Variants in EPG5 observed in about 807,000 individuals in gnomAD.
EPG5 encodes ectopic P granules protein 5 homolog.
EPG5 carries 159 observed loss-of-function variants against 302.7 expected under a neutral mutation model. The ratio of observed to expected loss-of-function variants is 0.53; its 90% confidence interval spans 0.46 to 0.60. EPG5 has a LOEUF of 0.60. Among genes scored for constraint, EPG5 ranks in the 20% least tolerant of loss-of-function variants. The pLI, the probability that EPG5 is intolerant of heterozygous loss-of-function variation, is 0.00. For missense variants in EPG5, 2,896 were observed against 3,092.4 expected, an observed-to-expected ratio of 0.94 and a Z score of 1.51; for synonymous variants, 1,158 against 1,136.8, an observed-to-expected ratio of 1.02 and a Z score of -0.37.
At chr18:45,935,019 A>T in intron 10 of EPG5, 53 bp from the exon 11 acceptor site, 1 of 1,516,740 alleles carries the variant, frequency 6.6e-7, no homozygotes. Context: ...TTACACTAAG[A>T]AAGTAGACAA....
At chr18:45,846,398 G>A (rs1047883378), downstream of EPG5, among the ~76,000 whole-genome samples, 3 of 151,928 alleles carry the variant, frequency 2.0e-5, no homozygotes, top group African/African-American at 7.3e-5. Context: ...GCAGGTGCCT[G>A]TAATCCCAGC....
At chr18:45,951,016 A>T in intron 4 of EPG5, 86 bp downstream of exon 4, 1 of 1,124,648 alleles carries the variant, frequency 8.9e-7, no homozygotes, top group Non-Finnish European at 1.2e-6. Flanking sequence ...AAAAAGTTGA[A>T]GACCAAATGT....
At chr18:45,880,021 G>A in intron 32 of EPG5, 54 bp downstream of exon 32, 1 of 1,478,750 alleles carries the variant, frequency 6.8e-7, no homozygotes, top group Non-Finnish European at 9.0e-7. Flanking sequence ...AAAATGAATA[G>A]CAAGGGAAAT....
chr18:45,823,676 GCA>G, the EPG5 span, among the ~76,000 whole-genome samples: 1 of 152,148 alleles, frequency 6.6e-6, no homozygotes, highest in Admixed American at 6.5e-5. Flanking sequence ...CTGCTAGTCT[GCA>G]CAAAGTCCTG....
chr18:45,944,432 G>A (rs1205851426), intron 7 of EPG5, among the ~76,000 whole-genome samples: 2 of 152,068 alleles, frequency 1.3e-5, no homozygotes, highest in Non-Finnish European at 2.9e-5. Context: ...GACCTTATAG[G>A]GATCAGTGCT....
At chr18:45,884,440 C>G (rs1419917280) in intron 30 of EPG5, among the ~76,000 whole-genome samples, 177 bp downstream of exon 30, 6 of 152,154 alleles carry the variant, frequency 3.9e-5, no homozygotes, top group Admixed American at 3.3e-4. Context: ...TGCCCCACCC[C>G]CTAAGAAGCA....
chr18:45,861,145 G>A (rs1253136616), intron 39 of EPG5, among the ~76,000 whole-genome samples: 2 of 152,112 alleles, frequency 1.3e-5, no homozygotes, highest in Non-Finnish European at 2.9e-5. Context: ...CTTACTCATC[G>A]CATCTATCAA....
At position 45,858,586 on chromosome 18, in the gene EPG5, C is replaced by G; in HGVS notation, c.7206G>C (p.Trp2402Cys). The G allele has an allele frequency of 6.2e-7, 1 of 1,614,140 alleles. No individual in the cohort carries two copies. The highest frequency in any genetic ancestry group is 2.2e-5 in the East Asian group (1 of 44,888). The change falls in exon 41 of 44, where the codon TGG (tryptophan) becomes TGC (cysteine). Residue 2402 changes from tryptophan to cysteine, a missense_variant. This residue lies in a region of EPG5 where 620 missense variants were observed against 704.2 expected (regional missense o/e 0.88). Coordinates refer to ENST00000282041, the MANE Select transcript of EPG5 (RefSeq NM_020964.3). ...CGTACCTTGGGTACACCTGTTCCAG[C>G]CACTTGCTTAAGATGAGCAGCACTT... Reference protein sequence around the residue: ...EMKVLLILSKWLEQVYPSSVE... With the variant: ...EMKVLLILSKCLEQVYPSSVE...
rs1419108589 is a variant in EPG5 at position 45,858,682 on chromosome 18, G to T, written c.7110C>A (p.Gly2370=). ...EEFLQECLTL[G]SYLTLYVYLL... Reference sequence around the variant, plus strand: ...AGTAGACGTAAAGAGTCAAGTAACTGCCCAAGGTGAGGCACTCCTGCAGGA... The same window carrying T: ...AGTAGACGTAAAGAGTCAAGTAACTTCCCAAGGTGAGGCACTCCTGCAGGA... Residue 2370 remains glycine (G), a synonymous_variant, in exon 41 of 44, where the codon GGC becomes GGA. Coordinates refer to ENST00000282041, the MANE Select transcript of EPG5 (RefSeq NM_020964.3). 5.6e-6 allele frequency: 9 copies of T among 1,614,076 alleles called. No individual in the cohort carries two copies. Among genetic ancestry groups the T allele is most frequent in the Non-Finnish European group, 5.9e-6 (7 of 1,179,980 alleles).
rs773709086 is a variant in EPG5 at position 45,866,853 on chromosome 18, T to G, written c.6566A>C (p.Lys2189Thr). 3.7e-6 allele frequency: 6 copies of G among 1,614,162 alleles called. No individual in the cohort carries two copies. The South Asian group carries it at 6.6e-5, about 18-fold the overall frequency. ...AKESYAELIM[K>T]LLKVSAGLSI... is the part of the protein sequence containing the mutation. ...AAGGCCCGCAGACACTTTTAGGAGC[T>G]TCATGATTAATTCAGCATAAGATTC... The change falls in exon 38 of 44, where the codon AAG becomes ACG. Residue 2189 changes from lysine to threonine, a missense_variant. Around this residue, in one of 5 missense-constraint regions of EPG5, gnomAD observed 620 missense variants for 704.2 expected, o/e 0.88. Coordinates refer to ENST00000282041, the MANE Select transcript of EPG5 (RefSeq NM_020964.3).
intron 1 of EPG5, among the ~76,000 whole-genome samples, chr18:45,956,055 C>CT (rs1189294208): frequency 6.6e-6 from 1 of 152,158 alleles, no homozygotes; most frequent in Non-Finnish European, 1.5e-5. Flanking sequence ...AGTATCTCCT[C>CT]CCAAATATTT....
chr18:45,833,236 C>A, the EPG5 span, among the ~76,000 whole-genome samples: 1 of 152,186 alleles, frequency 6.6e-6, no homozygotes, highest in East Asian at 1.9e-4. Context: ...TGTGGTTCTG[C>A]AAACCCCAGT....
chr18:45,811,701 T>C, the EPG5 span, among the ~76,000 whole-genome samples: 4 of 152,206 alleles, frequency 2.6e-5, no homozygotes, highest in African/African-American at 9.7e-5. Flanking sequence ...AAAAGGCCTT[T>C]GACAAAATTC....
rs78126902 is a variant in EPG5 at position 45,952,769 on chromosome 18, G to A, written c.1009-126C>T. 1.5e-3 allele frequency: 1,515 copies of A among 977,906 alleles called. 16 individuals carry two copies. The African/African-American group carries it at 0.021, about 14-fold the overall frequency. 60.6% of individuals were successfully genotyped at this position (977,906 alleles called of 1,614,324 possible). ...AAAGAGCTTATAATCATGGTGAGGA[G>A]ACATATTACTGTGTAGAGAACATTA... On this transcript the variant is annotated intron_variant, in intron 2 of 43. Transcript: ENST00000282041.
chr18:45,964,494 T>C (rs922734624), intron 1 of EPG5, among the ~76,000 whole-genome samples: 4 of 152,208 alleles, frequency 2.6e-5, no homozygotes, highest in African/African-American at 9.6e-5. Context: ...CACTACTGCA[T>C]TATAGGTTCA....
rs143490651 is a variant in EPG5 at position 45,897,285 on chromosome 18, T to A, written c.4809+2119A>T. On this transcript the variant is annotated intron_variant, in intron 27 of 43. Coordinates refer to ENST00000282041, the MANE Select transcript of EPG5 (RefSeq NM_020964.3). ...CAGCCAGAACTGGAAAAACATTTCT[T>A]TATAGTTATCTCACTTGTCACTTAT... 5.2e-3 allele frequency among the ~76,000 whole-genome samples: 793 copies of A among 152,344 alleles called. 6 individuals carry two copies. Among genetic ancestry groups the A allele is most frequent in the African/African-American group, 0.018 (738 of 41,562 alleles).
Position 45,880,183 on chromosome 18 carries a change from G to C in EPG5, c.5559C>G (p.Ala1853=). The C allele has an allele frequency of 6.2e-7, 1 of 1,610,280 alleles. No individual in the cohort carries two copies. Among genetic ancestry groups the C allele is most frequent in the South Asian group, 1.1e-5 (1 of 90,932 alleles). The part of the protein sequence containing the change: ...EQLLSPECWK[A]TLRALGCCAP... Reference sequence around the variant, plus strand: ...CGCAGCAGCCCAGGGCTCTCAGAGTGGCCTTCCAACACTCGGGGCTCAGAA... The same window carrying C: ...CGCAGCAGCCCAGGGCTCTCAGAGTCGCCTTCCAACACTCGGGGCTCAGAA... The change falls in exon 32 of 44, where the codon GCC becomes GCG. Residue 1853 remains alanine, a synonymous_variant. Coordinates refer to ENST00000282041, the MANE Select transcript of EPG5 (RefSeq NM_020964.3).
intron 8 of EPG5, 29 bp downstream of exon 8, chr18:45,943,976 C>T: frequency 3.5e-6 from 5 of 1,428,670 alleles, no homozygotes; most frequent in Non-Finnish European, 4.9e-6. Context: ...GCCACTACCA[C>T]ATTTTACACT....
At chr18:45,929,069 CACTT>C (rs2050342581) in intron 12 of EPG5, 60 bp from the exon 13 acceptor site, 1 of 1,492,708 alleles carries the variant, frequency 6.7e-7, no homozygotes, top group African/African-American at 1.4e-5. Context: ...AGTCAAAACA[CACTT>C]ATATCATTTT....
Sources: gnomAD v4.1 joint callset for allele counts (sites outside exome capture counted in the v4.1 genomes callset) on GRCh38, gnomAD v4.1.1 for gene constraint, gnomAD v4.1.1 regional missense constraint, MANE v1.5 for transcripts, NCBI Gene and HGNC (gene_info 2026-07-23, HGNC 2026-07-21) for gene names.